The following MNAT1 variants were observed in gnomAD, a reference collection of about 807,000 sequenced individuals.
The protein encoded by MNAT1 is CDK-activating kinase assembly factor MAT1.
MNAT1 carries 43 observed loss-of-function variants against 42.0 expected under a neutral mutation model. The observed-to-expected ratio is 1.02, with a 90% confidence interval of 0.80 to 1.32. MNAT1 has a LOEUF of 1.32. Among genes scored for constraint, MNAT1 ranks in the 40% most tolerant of loss-of-function variants. MNAT1 has a pLI of 0.00. For missense variants in MNAT1, 306 were observed against 350.4 expected (o/e 0.87, Z 1.01); for synonymous variants, 118 against 120.0 (o/e 0.98, Z 0.11).
chr14:60,849,278 T>A (rs924077850), intron 6 of MNAT1, among the ~76,000 whole-genome samples: 1 of 152,194 alleles, frequency 6.6e-6, no homozygotes, highest in African/African-American at 2.4e-5. Context: ...TTTCTGGGGC[T>A]TACTTTTCCG....
At chr14:60,818,974 G>T in intron 6 of MNAT1, 127 bp downstream of exon 6, 1 of 1,075,180 alleles carries the variant, frequency 9.3e-7, no homozygotes, top group East Asian at 2.6e-5. Flanking sequence ...TCTAGTTTTA[G>T]GTGTCTGGAA....
chr14:60,871,809 G>A (rs1182770799), intron 6 of MNAT1, among the ~76,000 whole-genome samples: 11 of 152,026 alleles, frequency 7.2e-5, no homozygotes, highest in Non-Finnish European at 1.5e-4. Context: ...TTTTAGTAGA[G>A]ATGGGGTTTC....
At chr14:60,877,033 C>T (rs1471397585) in intron 6 of MNAT1, among the ~76,000 whole-genome samples, 1 of 152,022 alleles carries the variant, frequency 6.6e-6, no homozygotes, top group Non-Finnish European at 1.5e-5. Flanking sequence ...AGCAGCTATA[C>T]CGTTTTACAT....
At chr14:60,844,605 G>A (rs2033637000) in intron 6 of MNAT1, among the ~76,000 whole-genome samples, 2 of 151,630 alleles carry the variant, frequency 1.3e-5, no homozygotes, top group South Asian at 4.2e-4. Context: ...AGATTTTTTA[G>A]GATTGTTTAT....
chr14:60,750,231 CTT>C (rs1186389806), intron 1 of MNAT1, among the ~76,000 whole-genome samples: 10 of 144,490 alleles, frequency 6.9e-5, no homozygotes, highest in African/African-American at 5.0e-5. Flanking sequence ...TTCTTTCTTT[CTT>C]TTTTTTTTTT....
At chr14:60,768,089 C>A (rs2030905895) in intron 1 of MNAT1, among the ~76,000 whole-genome samples, 1 of 151,468 alleles carries the variant, frequency 6.6e-6, no homozygotes, top group South Asian at 2.1e-4. Flanking sequence ...TTAGTACAGT[C>A]AGTGTTTCGC....
rs141456541 is a variant in MNAT1 at position 60,947,289 on chromosome 14, G to A, written c.810-20940G>A. ...CATTACAGTGGGAATGACAGGTCCA[G>A]AGCCCTGATAATTTGGACCTCCCTC... On this transcript the variant is annotated intron_variant, in intron 7 of 7. Coordinates refer to ENST00000261245, the MANE Select transcript of MNAT1 (RefSeq NM_002431.4). 1.8e-3 allele frequency among the ~76,000 whole-genome samples: 273 copies of A among 152,220 alleles called. 1 individual carries two copies. Among genetic ancestry groups the A allele is most frequent in the African/African-American group, 6.2e-3 (259 of 41,522 alleles).
At chr14:60,771,430 C>A (rs919693038) in intron 1 of MNAT1, among the ~76,000 whole-genome samples, 1 of 152,156 alleles carries the variant, frequency 6.6e-6, no homozygotes, top group Admixed American at 6.5e-5. Context: ...GGTAGTGGCT[C>A]ATACATTAGT....
At chr14:60,897,195 T>C (rs764876312) in intron 7 of MNAT1, among the ~76,000 whole-genome samples, 17 of 152,144 alleles carry the variant, frequency 1.1e-4, no homozygotes, top group Admixed American at 6.5e-5. Context: ...TTAAGGTAGA[T>C]ATAAATTTGT....
intron 5 of MNAT1, among the ~76,000 whole-genome samples, chr14:60,813,094 G>T (rs533110141): frequency 7.9e-5 from 12 of 152,320 alleles, no homozygotes; most frequent in Admixed American, 5.9e-4. Context: ...TTCCCCTGGG[G>T]CTTTGGGGTT....
In MNAT1 at chr14:60,812,123, A is replaced by T; in HGVS notation, c.557A>T (p.Glu186Val). Reference sequence around the variant, plus strand: ...AAGAATAAGCAGGCTTTTTTAGATGAGCTGGTATGTATTAATGCTAATTGT... The same window carrying T: ...AAGAATAAGCAGGCTTTTTTAGATGTGCTGGTATGTATTAATGCTAATTGT... ...KRKNKQAFLD[E>V]LESSDLPVAL... The change falls in exon 5 of 8, where the codon GAG (glutamate) becomes GTG (valine). Residue 186 changes from glutamate (E) to valine (V), a missense_variant. Glu to Val is a moderately radical substitution (Grantham distance 121, BLOSUM62 -2). Transcript: ENST00000261245. The T allele has an allele frequency of 6.3e-7, 1 of 1,582,978 alleles. No individual in the cohort carries two copies. The highest frequency in any genetic ancestry group is 8.5e-7 in the Non-Finnish European group (1 of 1,169,788).
At chr14:60,804,742 C>T (rs1463774853) in intron 3 of MNAT1, among the ~76,000 whole-genome samples, 1 of 152,092 alleles carries the variant, frequency 6.6e-6, no homozygotes, top group Non-Finnish European at 1.5e-5. Flanking sequence ...GATGGGGCCT[C>T]ATGTTGACCA....
At chr14:60,888,868 A>G (rs551020951) in intron 7 of MNAT1, among the ~76,000 whole-genome samples, 6,544 of 136,172 alleles carry the variant, frequency 0.048, 495 homozygotes, top group African/African-American at 0.17. Context: ...AGAGAATAAA[A>G]TACCTAGGAA....
At chr14:60,765,006 T>C (rs1288915283) in intron 1 of MNAT1, among the ~76,000 whole-genome samples, 1 of 152,156 alleles carries the variant, frequency 6.6e-6, no homozygotes, top group African/African-American at 2.4e-5. Flanking sequence ...ATCCCAGCAC[T>C]TTGGGAGGCT....
Position 60,740,435 on chromosome 14 carries a change from C to T in MNAT1, c.89+5484C>T, listed in dbSNP as rs904837106. Among the ~76,000 whole-genome samples the T allele has an allele frequency of 1.3e-5, 2 of 151,748 alleles. No homozygotes were observed. The highest frequency in any genetic ancestry group is 4.8e-5 in the African/African-American group (2 of 41,292). On this transcript the variant is annotated intron_variant, in intron 1 of 7. Coordinates refer to ENST00000261245, the MANE Select transcript of MNAT1 (RefSeq NM_002431.4). This position sits in a 1 kb window ranked among gnomAD's most constrained non-coding sequence, Gnocchi z 4.1. Reference sequence around the variant, plus strand: ...AGAGTCCGAATTTTGCTTATTGCATCTCTGTGATATTGTTAAATATGTTCT... The same window carrying T: ...AGAGTCCGAATTTTGCTTATTGCATTTCTGTGATATTGTTAAATATGTTCT...
intron 7 of MNAT1, among the ~76,000 whole-genome samples, chr14:60,952,229 T>C (rs1421881333): frequency 2.0e-5 from 3 of 152,210 alleles, no homozygotes; most frequent in Admixed American, 6.5e-5. Flanking sequence ...GGAAAATATG[T>C]TTGGAAAGGT....
chr14:60,861,507 T>A (rs1402727432), intron 6 of MNAT1, among the ~76,000 whole-genome samples: 1 of 152,166 alleles, frequency 6.6e-6, no homozygotes. Flanking sequence ...CCTAAAATCA[T>A]GTCATTAGGT....
intron 7 of MNAT1, among the ~76,000 whole-genome samples, chr14:60,891,904 C>T (rs2034853513): frequency 6.6e-6 from 1 of 151,822 alleles, no homozygotes; most frequent in Non-Finnish European, 1.5e-5. Context: ...TTTTTTGAAA[C>T]ATTGGTTATT....
At chr14:60,748,198 GAAA>G (rs900772970) in intron 1 of MNAT1, among the ~76,000 whole-genome samples, 2 of 136,378 alleles carry the variant, frequency 1.5e-5, no homozygotes. Flanking sequence ...CTCTGTCTCA[GAAA>G]AAAAAAAAAA....
Sources: gnomAD v4.1 joint callset for allele counts (sites outside exome capture counted in the v4.1 genomes callset) on GRCh38, gnomAD v4.1.1 for gene constraint, Gnocchi (gnomAD v3.1) non-coding constraint, MANE v1.5 for transcripts, NCBI Gene and HGNC (gene_info 2026-07-23, HGNC 2026-07-21) for gene names.